Variants in OPCML observed in about 807,000 individuals in gnomAD.
OPCML encodes opioid-binding protein/cell adhesion molecule.
A neutral mutation model predicts 37.8 loss-of-function variants in OPCML; 13 were observed. That is an observed-to-expected ratio of 0.34 (90% CI 0.22 to 0.55). OPCML has a LOEUF of 0.55. Ranked by LOEUF, OPCML falls within the 20% of genes least tolerant of loss-of-function variation. The pLI is 0.91. For synonymous variants in OPCML, 176 were observed against 168.8 expected (o/e 1.04, Z -0.33); for missense variants, 341 against 435.6 (o/e 0.78, Z 1.93).
intron 1 of OPCML, among the ~76,000 whole-genome samples, chr11:133,493,575 A>G: frequency 6.6e-6 from 1 of 152,196 alleles, no homozygotes; most frequent in Non-Finnish European, 1.5e-5. Flanking sequence ...GCATAAAGGC[A>G]GTATAACCTA....
chr11:133,124,504 TC>T, intron 1 of OPCML, among the ~76,000 whole-genome samples: 1 of 152,082 alleles, frequency 6.6e-6, no homozygotes, highest in Non-Finnish European at 1.5e-5. Flanking sequence ...GGCACACACT[TC>T]ACAAGGGTCC....
At chr11:132,789,122 A>G (rs1376054648) in intron 2 of OPCML, among the ~76,000 whole-genome samples, 1 of 152,118 alleles carries the variant, frequency 6.6e-6, no homozygotes, top group African/African-American at 2.4e-5. Context: ...CACTTCAGAG[A>G]AGCTTTCTCT....
At chr11:133,414,599 A>G (rs1470760135) in intron 1 of OPCML, among the ~76,000 whole-genome samples, 4 of 152,116 alleles carry the variant, frequency 2.6e-5, no homozygotes, top group African/African-American at 9.7e-5. Context: ...CCCACAAGTC[A>G]ATCTGGCCCT....
chr11:133,082,485 C>CCCATCCCCCT, intron 1 of OPCML, among the ~76,000 whole-genome samples: 1 of 101,442 alleles, frequency 9.9e-6, no homozygotes, highest in East Asian at 3.8e-4. Flanking sequence ...CCTCCCCACG[C>CCCATCCCCCT]TCCCCTCTTC....
Position 133,504,976 on chromosome 11 carries a change from A to G in OPCML, c.61+27288T>C, listed in dbSNP as rs183628414. Among the ~76,000 whole-genome samples the G allele has an allele frequency of 1.9e-3, 289 of 152,358 alleles. 1 individual carries two copies. The highest frequency in any genetic ancestry group is 6.4e-3 in the African/African-American group (268 of 41,582). ...ATGTGACAGACTAAGAAAGGTTGAG[A>G]CACCCCCTAAGGGGACAGGGAAGAT... On this transcript the variant is annotated intron_variant, in intron 1 of 7. Transcript: ENST00000524381.
At chr11:132,854,145 G>A (rs1209099175) in intron 2 of OPCML, among the ~76,000 whole-genome samples, 2 of 152,132 alleles carry the variant, frequency 1.3e-5, no homozygotes, top group South Asian at 2.1e-4. Context: ...CAGAACCCAA[G>A]GCACCACTTT....
chr11:132,778,856 AT>A (rs1193267323), intron 2 of OPCML, among the ~76,000 whole-genome samples: 37 of 152,186 alleles, frequency 2.4e-4, no homozygotes, highest in Admixed American at 2.4e-3. Flanking sequence ...TTCATTGCCA[AT>A]ATAACTTTTG....
intron 1 of OPCML, among the ~76,000 whole-genome samples, chr11:133,248,596 T>C (rs1941029138): frequency 6.6e-6 from 1 of 152,220 alleles, no homozygotes; most frequent in African/African-American, 2.4e-5. Context: ...GAAGAGGCTA[T>C]GATGGCGTGG....
rs200049507 is a variant in OPCML at position 133,034,313 on chromosome 11, G to A, written c.62-91303C>T. The stretch of plus-strand genomic sequence containing the variant: ...AGAGTAGCTCTGTATGTATAGGTGT[G>A]TGTGTGTGTGTGTGTGTGTGTGTGT... On this transcript the variant is annotated intron_variant, in intron 1 of 7. Transcript: ENST00000524381. Among the ~76,000 whole-genome samples, 5 of 125,708 alleles carry A rather than the reference G, an allele frequency of 4.0e-5. No individual in the cohort carries two copies. The East Asian group carries it at 1.5e-3, about 39-fold the overall frequency. The allele number at this position is 125,708 out of a possible 152,430, so 82.5% of individuals were successfully genotyped here.
intron 2 of OPCML, among the ~76,000 whole-genome samples, chr11:132,712,784 G>C (rs1944320706): frequency 6.6e-6 from 1 of 152,198 alleles, no homozygotes. Flanking sequence ...CAGAGCTCTG[G>C]CACGGGGCAG....
At chr11:133,142,299 T>C (rs959956347) in intron 1 of OPCML, among the ~76,000 whole-genome samples, 1 of 152,194 alleles carries the variant, frequency 6.6e-6, no homozygotes, top group Admixed American at 6.5e-5. Flanking sequence ...CTTCTCAACA[T>C]GTTCCCCAGT....
intron 1 of OPCML, among the ~76,000 whole-genome samples, chr11:133,432,552 T>C (rs1946145036): frequency 6.6e-6 from 1 of 152,152 alleles, no homozygotes; most frequent in Admixed American, 6.5e-5. Context: ...TTTGTATTTA[T>C]TCTGCTTGTA....
intron 1 of OPCML, among the ~76,000 whole-genome samples, chr11:133,027,698 T>C (rs559914010): frequency 0.012 from 530 of 45,676 alleles, 3 homozygotes; most frequent in Non-Finnish European, 0.019. Context: ...GTGGGTGGTA[T>C]GTGTCATGTG....
At chr11:132,647,354 C>T (rs1941205205) in intron 3 of OPCML, among the ~76,000 whole-genome samples, 1 of 152,160 alleles carries the variant, frequency 6.6e-6, no homozygotes, top group Non-Finnish European at 1.5e-5. Flanking sequence ...ATGACCGCCA[C>T]CCCACTTAGT....
chr11:133,397,018 C>A (rs1239765586), intron 1 of OPCML, among the ~76,000 whole-genome samples: 1 of 152,220 alleles, frequency 6.6e-6, no homozygotes, highest in Admixed American at 6.5e-5. Flanking sequence ...CACTCCTCAA[C>A]AACGTGCACA....
intron 7 of OPCML, among the ~76,000 whole-genome samples, chr11:132,428,035 G>C (rs1282862976): frequency 6.6e-6 from 1 of 152,168 alleles, no homozygotes; most frequent in African/African-American, 2.4e-5. Context: ...GTTATCAGCA[G>C]GAAATGGACA....
intron 1 of OPCML, among the ~76,000 whole-genome samples, chr11:133,285,839 C>T (rs964803188): frequency 6.6e-6 from 1 of 152,156 alleles, no homozygotes. Flanking sequence ...TAAGGCCCTG[C>T]ACATTCTGTA....
chr11:132,724,995 G>A (rs1591520836), intron 2 of OPCML, among the ~76,000 whole-genome samples: 1 of 152,190 alleles, frequency 6.6e-6, no homozygotes, highest in South Asian at 2.1e-4. Context: ...CTGACGTTGA[G>A]TGTCTGAGGC....
chr11:133,312,263 G>A (rs572473150), intron 1 of OPCML, among the ~76,000 whole-genome samples: 38 of 152,232 alleles, frequency 2.5e-4, no homozygotes, highest in African/African-American at 8.2e-4. Context: ...TCAACCAAAA[G>A]AAACAAATAT....
Sources: allele counts gnomAD v4.1 joint callset (sites outside exome capture counted in the v4.1 genomes callset), GRCh38; gene constraint gnomAD v4.1.1; transcripts MANE v1.5; gene names NCBI Gene and HGNC (gene_info 2026-07-23, HGNC 2026-07-21).